TBC1D22A: variants seen among roughly 807,000 people sequenced by gnomAD.
TBC1D22A encodes putative GTPase activator.
A neutral mutation model predicts 60.2 loss-of-function variants in TBC1D22A; 38 were observed. The observed-to-expected ratio is 0.63, with a 90% CI of 0.49 to 0.83. The LOEUF (loss-of-function observed/expected upper bound fraction) is 0.83. TBC1D22A is among the 40% of genes least tolerant of loss of function. The pLI is 0.00. For synonymous variants in TBC1D22A, 302 were observed against 281.7 expected (o/e 1.07, Z -0.72); for missense variants, 628 against 701.0 (o/e 0.90, Z 1.18).
intron 10 of TBC1D22A, among the ~76,000 whole-genome samples, chr22:47,027,327 A>G (rs1343126460): frequency 6.6e-6 from 1 of 152,148 alleles, no homozygotes; most frequent in African/African-American, 2.4e-5. Context: ...ATTTATTTTT[A>G]TTTATTTAAC....
rs1332635875 is a variant in TBC1D22A, at chr22:46,894,835, A to C, written c.889A>C (p.Lys297Gln). 6.2e-7 allele frequency: 1 copy of C among 1,614,210 alleles called. No individual in the cohort carries two copies. ...CCCTGAAGCGTTGATCCTGCAGCCC[A>C]AGGTGACGGAGGTAAGAAGCTCTTG... Reference protein sequence around the residue: ...MSPEALILQPKVTEIFERILF... With the variant: ...MSPEALILQPQVTEIFERILF... The change falls in exon 7 of 13, where the codon AAG (lysine) becomes CAG (glutamine). Residue 297 changes from lysine (K) to glutamine (Q), a missense_variant. Physicochemically the swap from Lys to Gln is moderately conservative, Grantham distance 53 (BLOSUM62 1). Transcript: ENST00000337137.
At chr22:47,099,156 T>C (rs1394222835) in intron 11 of TBC1D22A, among the ~76,000 whole-genome samples, 1 of 152,174 alleles carries the variant, frequency 6.6e-6, no homozygotes, top group Admixed American at 6.5e-5. Flanking sequence ...GTGCTGGGTG[T>C]CACCGTGTGG....
chr22:46,831,020 C>T (rs183141858), intron 4 of TBC1D22A, among the ~76,000 whole-genome samples: 46 of 152,056 alleles, frequency 3.0e-4, no homozygotes, highest in African/African-American at 1.0e-3. Context: ...ATTGGAGTCA[C>T]GGTGGATGAC....
At chr22:47,133,130 T>G (rs2066740857) in intron 12 of TBC1D22A, among the ~76,000 whole-genome samples, 1 of 152,284 alleles carries the variant, frequency 6.6e-6, no homozygotes, top group Non-Finnish European at 1.5e-5. Flanking sequence ...TTCAACTTTG[T>G]ATTCATATAA....
At chr22:47,154,044 G>C (rs1426916979) in intron 12 of TBC1D22A, among the ~76,000 whole-genome samples, 1 of 152,176 alleles carries the variant, frequency 6.6e-6, no homozygotes, top group African/African-American at 2.4e-5. Flanking sequence ...GATGTGAGTA[G>C]CTGTGACTGC....
intron 4 of TBC1D22A, among the ~76,000 whole-genome samples, chr22:46,866,032 T>C (rs984689024): frequency 2.0e-5 from 3 of 152,096 alleles, no homozygotes; most frequent in African/African-American, 7.2e-5. Context: ...TGTGCCGAAA[T>C]TGATGAATAG....
intron 4 of TBC1D22A, among the ~76,000 whole-genome samples, chr22:46,852,363 C>A (rs879839566): frequency 7.9e-5 from 12 of 152,344 alleles, no homozygotes; most frequent in African/African-American, 1.2e-4. Flanking sequence ...GCGTGTGCCC[C>A]CCTGTCTGTG....
At chr22:46,827,363 T>C (rs2086114656) in intron 4 of TBC1D22A, among the ~76,000 whole-genome samples, 1 of 152,226 alleles carries the variant, frequency 6.6e-6, no homozygotes, top group Non-Finnish European at 1.5e-5. Context: ...GTGTTCAATG[T>C]CCTCTTAATG....
intron 11 of TBC1D22A, among the ~76,000 whole-genome samples, chr22:47,100,358 G>A (rs2093193770): frequency 6.6e-6 from 1 of 152,016 alleles, no homozygotes; most frequent in African/African-American, 2.4e-5. Context: ...GGAGAGTAGG[G>A]GTAAGGCCTG....
At chr22:46,820,131 TTTC>T (rs765999329) in intron 4 of TBC1D22A, among the ~76,000 whole-genome samples, 2 of 152,296 alleles carry the variant, frequency 1.3e-5, no homozygotes, top group East Asian at 3.9e-4. Context: ...TCTCTCCCTT[TTTC>T]TTTATTAGTC....
intron 7 of TBC1D22A, among the ~76,000 whole-genome samples, chr22:46,904,142 T>TATCTACCTACCTACCTAC (rs2069247452): frequency 2.2e-5 from 3 of 134,500 alleles, no homozygotes; most frequent in African/African-American, 8.9e-5. Context: ...TATCTATCTA[T>TATCTACCTACCTACCTAC]CTACCTACCT....
At chr22:47,129,118 G>T (rs2066594995) in intron 12 of TBC1D22A, among the ~76,000 whole-genome samples, 1 of 152,176 alleles carries the variant, frequency 6.6e-6, no homozygotes. Flanking sequence ...TGTCACTGAT[G>T]AGCTTCAGCA....
chr22:47,060,577 C>G (rs1049669033), intron 11 of TBC1D22A, among the ~76,000 whole-genome samples: 14 of 152,176 alleles, frequency 9.2e-5, no homozygotes, highest in African/African-American at 3.4e-4. Context: ...ATTACAGATG[C>G]CTGCCACCAC....
intron 8 of TBC1D22A, among the ~76,000 whole-genome samples, chr22:46,949,083 A>G (rs1325739969): frequency 6.6e-6 from 1 of 152,154 alleles, no homozygotes; most frequent in African/African-American, 2.4e-5. Context: ...TGACAGTCTG[A>G]CCCAATGAGG....
intron 4 of TBC1D22A, among the ~76,000 whole-genome samples, chr22:46,819,793 A>G (rs1332031718): frequency 1.3e-5 from 2 of 152,102 alleles, no homozygotes. Context: ...AATTGTTTGG[A>G]ATAGTTTCAG....
intron 7 of TBC1D22A, among the ~76,000 whole-genome samples, chr22:46,903,784 ACTT>A: frequency 6.6e-6 from 1 of 152,170 alleles, no homozygotes; most frequent in East Asian, 1.9e-4. Context: ...TTCTTACCTG[ACTT>A]CTTTTCTGGC....
intron 11 of TBC1D22A, among the ~76,000 whole-genome samples, chr22:47,105,370 G>T (rs1277059747): frequency 6.6e-6 from 1 of 152,150 alleles, no homozygotes; most frequent in Non-Finnish European, 1.5e-5. Flanking sequence ...AACCACAAAG[G>T]TGAGACTATC....
At chr22:46,939,289 C>A (rs2071847075) in intron 8 of TBC1D22A, among the ~76,000 whole-genome samples, 1 of 152,162 alleles carries the variant, frequency 6.6e-6, no homozygotes, top group South Asian at 2.1e-4. Context: ...AGACTGTGCA[C>A]CTTCAGTGGA....
intron 8 of TBC1D22A, among the ~76,000 whole-genome samples, chr22:46,971,227 A>T (rs1174607340): frequency 6.6e-6 from 1 of 152,198 alleles, no homozygotes; most frequent in East Asian, 1.9e-4. Context: ...AAGCCAGCTA[A>T]ACAGACCAAG....
Sources: allele counts gnomAD v4.1 joint callset (sites outside exome capture counted in the v4.1 genomes callset), GRCh38; gene constraint gnomAD v4.1.1; transcripts MANE v1.5; gene names NCBI Gene and HGNC (gene_info 2026-07-23, HGNC 2026-07-21).